Variants in ELP4 observed in about 807,000 individuals in gnomAD.
The protein encoded by ELP4 is elongator acetyltransferase complex subunit 4.
A neutral mutation model predicts 48.9 loss-of-function variants in ELP4; 51 were observed. That is an observed-to-expected ratio of 1.04 (90% CI 0.83 to 1.32). The LOEUF (loss-of-function observed/expected upper bound fraction) is 1.32. Ranked by LOEUF, ELP4 falls within the 40% of genes most tolerant of loss-of-function variation. The probability of loss-of-function intolerance (pLI) is 0.00; values close to 1 mark genes in which losing one functional copy is unlikely to be tolerated. For missense variants in ELP4, 519 were observed against 514.6 expected (o/e 1.01, Z -0.08); for synonymous variants, 210 against 189.2 (o/e 1.11, Z -0.90).
chr11:31,529,789 T>C (rs1392604889), intron 2 of ELP4, among the ~76,000 whole-genome samples: 1 of 152,138 alleles, frequency 6.6e-6, no homozygotes, highest in African/African-American at 2.4e-5. Flanking sequence ...TGAGGATGAA[T>C]TAGTGGCCCC....
chr11:31,539,909 C>A, intron 3 of ELP4, 126 bp downstream of exon 3: 1 of 708,514 alleles, frequency 1.4e-6, no homozygotes, highest in Non-Finnish European at 2.0e-6. Flanking sequence ...CGGAACCATA[C>A]ATTTTTTAAA....
intron 9 of ELP4, among the ~76,000 whole-genome samples, chr11:31,775,224 A>G (rs1021902992): frequency 6.6e-6 from 1 of 152,342 alleles, no homozygotes; most frequent in Admixed American, 6.5e-5. Flanking sequence ...AGCCAAGTTT[A>G]AACTTAGGAT....
At chr11:31,625,820 A>T (rs1258137568) in intron 5 of ELP4, among the ~76,000 whole-genome samples, 1 of 151,942 alleles carries the variant, frequency 6.6e-6, no homozygotes, top group East Asian at 1.9e-4. Context: ...GCAGGGATAG[A>T]TGTGTGTTAA....
chr11:31,629,314 C>A (rs1435748695), intron 6 of ELP4, among the ~76,000 whole-genome samples: 11 of 151,590 alleles, frequency 7.3e-5, no homozygotes, highest in Admixed American at 2.6e-4. Context: ...TAATCTTATG[C>A]CACACAGTAT....
chr11:31,564,016 A>G (rs185588715), intron 3 of ELP4, among the ~76,000 whole-genome samples: 29 of 152,292 alleles, frequency 1.9e-4, no homozygotes, highest in African/African-American at 6.3e-4. Context: ...TCAAAACACT[A>G]ATTAAATTTT....
intron 3 of ELP4, among the ~76,000 whole-genome samples, chr11:31,546,363 C>G (rs895200158): frequency 1.3e-5 from 2 of 152,036 alleles, no homozygotes; most frequent in Admixed American, 1.3e-4. Flanking sequence ...GACTTTAAAC[C>G]AACAAAGATC....
intron 9 of ELP4, among the ~76,000 whole-genome samples, chr11:31,725,025 G>T (rs1034279746): frequency 6.6e-6 from 1 of 152,178 alleles, no homozygotes; most frequent in African/African-American, 2.4e-5. Flanking sequence ...GCAAGACCTG[G>T]TTCCTCCAAT....
At chr11:31,703,163 G>A (rs1946562450) in intron 9 of ELP4, among the ~76,000 whole-genome samples, 2 of 152,106 alleles carry the variant, frequency 1.3e-5, no homozygotes, top group Non-Finnish European at 1.5e-5. Flanking sequence ...CAGTGACTAC[G>A]TGTTTGGTCT....
At chr11:31,749,596 C>T (rs1947672411) in intron 9 of ELP4, among the ~76,000 whole-genome samples, 2 of 151,950 alleles carry the variant, frequency 1.3e-5, no homozygotes, top group Non-Finnish European at 2.9e-5. Flanking sequence ...TCTATGTATA[C>T]TATATCATTG....
At chr11:31,753,880 T>C (rs1215762272) in intron 9 of ELP4, among the ~76,000 whole-genome samples, 4 of 152,162 alleles carry the variant, frequency 2.6e-5, no homozygotes, top group Non-Finnish European at 4.4e-5. Context: ...TCAAATTTAC[T>C]TCAGTGCTTA....
At chr11:31,717,612 G>T (rs926174077) in intron 9 of ELP4, among the ~76,000 whole-genome samples, 1 of 151,940 alleles carries the variant, frequency 6.6e-6, no homozygotes, top group Non-Finnish European at 1.5e-5. Context: ...AAATTAGCTG[G>T]GTGTGGTGGC....
At chr11:31,549,666 T>G (rs1240429913) in intron 3 of ELP4, among the ~76,000 whole-genome samples, 1 of 152,156 alleles carries the variant, frequency 6.6e-6, no homozygotes, top group Non-Finnish European at 1.5e-5. Flanking sequence ...TAAATCATGC[T>G]GCTATAAAGA....
chr11:31,735,196 GATCCTC>G (rs1339288312), intron 9 of ELP4, among the ~76,000 whole-genome samples: 1 of 150,530 alleles, frequency 6.6e-6, no homozygotes, highest in Non-Finnish European at 1.5e-5. Context: ...AAAGAGATTG[GATCCTC>G]ATCTTACACC....
intron 5 of ELP4, among the ~76,000 whole-genome samples, chr11:31,612,175 T>C (rs1319172695): frequency 6.6e-6 from 1 of 152,188 alleles, no homozygotes; most frequent in African/African-American, 2.4e-5. Context: ...TGCTCTGTTT[T>C]ATTTAATTTA....
intron 9 of ELP4, chr11:31,714,933 C>T (rs1946812023): frequency 2.5e-6 from 1 of 396,904 alleles, no homozygotes; most frequent in South Asian, 1.4e-4. Flanking sequence ...AATCTTTCAC[C>T]TTAATTCCTC....
chr11:31,531,350 AC>A (rs1956392961), intron 2 of ELP4, among the ~76,000 whole-genome samples: 1 of 152,266 alleles, frequency 6.6e-6, no homozygotes, highest in Non-Finnish European at 1.5e-5. Context: ...CACTAGAGAT[AC>A]AATAATAGGA....
chr11:31,637,201 C>G (rs1388838237), intron 7 of ELP4: 2 of 151,702 alleles, frequency 1.3e-5, no homozygotes, highest in Non-Finnish European at 2.9e-5. Flanking sequence ...GTGTACAGCC[C>G]TCCATGTTAA....
intron 9 of ELP4, among the ~76,000 whole-genome samples, chr11:31,705,025 T>G (rs73475673): frequency 1.1e-4 from 16 of 149,384 alleles, no homozygotes; most frequent in Non-Finnish European, 2.4e-4. Flanking sequence ...AAAAAAAAAA[T>G]TATATAGTAT....
At chr11:31,692,106 C>T (rs1368324732) in intron 9 of ELP4, among the ~76,000 whole-genome samples, 1 of 152,072 alleles carries the variant, frequency 6.6e-6, no homozygotes, top group Non-Finnish European at 1.5e-5. Context: ...ACTCAGAAGT[C>T]CAATAAAGAA....
Sources: allele counts gnomAD v4.1 joint callset (sites outside exome capture counted in the v4.1 genomes callset), GRCh38; gene constraint gnomAD v4.1.1; transcripts MANE v1.5; gene names NCBI Gene and HGNC (gene_info 2026-07-23, HGNC 2026-07-21).